LMO7: variants seen among roughly 807,000 people sequenced by gnomAD.
LMO7 encodes LIM domain 7.
Under a neutral mutation model 206.5 loss-of-function variants are expected in LMO7, and 120 were observed. The ratio of observed to expected loss-of-function variants is 0.58; its 90% CI spans 0.50 to 0.68. The LOEUF (loss-of-function observed/expected upper bound fraction) is 0.68. Among genes scored for constraint, LMO7 ranks in the 30% least tolerant of loss-of-function variants. The pLI, the probability that LMO7 is intolerant of heterozygous loss-of-function variation, is 0.00. For synonymous variants in LMO7, 706 were observed against 681.5 expected (o/e 1.04, Z -0.56); for missense variants, 1,959 against 1,957.9 (o/e 1.00, Z -0.01).
At position 75,636,516 on chromosome 13, in the gene LMO7, G is replaced by T. The variant is rs973524714; in HGVS notation, c.-142G>T. On this transcript the variant is annotated 5_prime_UTR_variant, in exon 1 of 31. Coordinates refer to ENST00000377534, the MANE Select transcript of LMO7 (RefSeq NM_001306080.2). Reference sequence around the variant, plus strand: ...GCAGAGCGCAACAAAGGGAACTAGAGCCCCGGCGCCTTCGCAGCCGGAGCG... The same window carrying T: ...GCAGAGCGCAACAAAGGGAACTAGATCCCCGGCGCCTTCGCAGCCGGAGCG... 31 of 1,509,670 alleles carry T rather than the reference G, an allele frequency of 2.1e-5. No individual in the cohort carries two copies. The highest frequency in any genetic ancestry group is 2.6e-5 in the Non-Finnish European group (30 of 1,137,208). 93.5% of individuals were successfully genotyped at this position (1,509,670 alleles called of 1,614,324 possible).
intron 3 of LMO7, among the ~76,000 whole-genome samples, chr13:75,738,946 C>T (rs564196343): frequency 1.3e-5 from 2 of 152,328 alleles, no homozygotes; most frequent in African/African-American, 4.8e-5. Context: ...ACTGTTGACA[C>T]TTTGGCCAGA....
intron 2 of LMO7, among the ~76,000 whole-genome samples, chr13:75,718,273 T>C (rs973399379): frequency 6.6e-6 from 1 of 152,226 alleles, no homozygotes; most frequent in African/African-American, 2.4e-5. Context: ...AGAGACACTC[T>C]AAAGACTCAT....
intron 8 of LMO7, chr13:75,805,238 C>A: frequency 8.7e-7 from 1 of 1,151,222 alleles, no homozygotes; most frequent in Non-Finnish European, 1.1e-6. Context: ...TGTTATGTGC[C>A]TCTTCCTTTT....
intron 3 of LMO7, among the ~76,000 whole-genome samples, chr13:75,744,908 C>T (rs902794631): frequency 6.6e-6 from 1 of 152,090 alleles, no homozygotes; most frequent in African/African-American, 2.4e-5. Context: ...GTGTCAGTTC[C>T]CGTGGAGAGT....
At chr13:75,688,070 C>T (rs560044947) in intron 1 of LMO7, among the ~76,000 whole-genome samples, 1 of 152,308 alleles carries the variant, frequency 6.6e-6, no homozygotes, top group Non-Finnish European at 1.5e-5. Context: ...GTGCCCTTCT[C>T]CTCCTTTGCC....
chr13:75,840,613 A>G, intron 22 of LMO7, 118 bp downstream of exon 22: 5 of 1,182,438 alleles, frequency 4.2e-6, no homozygotes, highest in Non-Finnish European at 5.9e-6. Context: ...ACTAACAAAT[A>G]TTTTTGCACA....
chr13:75,805,332 G>A lies in LMO7; in HGVS notation c.915-147G>A, dbSNP rs1260749514. On this transcript the variant is annotated intron_variant, in intron 8 of 30. Transcript: ENST00000377534. ...AATGAGATGCTGTTATAATAACTTTGTCCTAGGAGCTGTGGTGGTGATGAG... is the reference window on the plus strand; with the variant it reads ...AATGAGATGCTGTTATAATAACTTTATCCTAGGAGCTGTGGTGGTGATGAG... 5.1e-6 allele frequency: 5 copies of A among 984,322 alleles called. No homozygotes were observed. The African/African-American group carries it at 8.2e-5, about 16-fold the overall frequency. 61.0% of individuals were successfully genotyped at this position (984,322 alleles called of 1,614,324 possible). A position where few individuals can be genotyped will look rare whatever the true frequency, so the allele number is the denominator to read the frequency against.
At chr13:75,727,287 G>A (rs1362256272) in intron 3 of LMO7, among the ~76,000 whole-genome samples, 189 bp downstream of exon 3, 2 of 151,438 alleles carry the variant, frequency 1.3e-5, no homozygotes, top group Non-Finnish European at 3.0e-5. Context: ...TTTGCCTGGA[G>A]GCTTTTATTT....
At chr13:75,621,759 C>T (rs1382888833) in exon 1 of LMO7, 2 of 1,610,994 alleles carry the variant, frequency 1.2e-6, no homozygotes, top group Non-Finnish European at 1.7e-6. Flanking sequence ...ATGTTCTCTT[C>T]CAGAGAACAG....
upstream of LMO7, among the ~76,000 whole-genome samples, chr13:75,635,086 C>T (rs2035608319): frequency 6.6e-6 from 1 of 151,768 alleles, no homozygotes; most frequent in African/African-American, 2.4e-5. Context: ...AAAAATAAAA[C>T]CCTCCAGCAG....
At chr13:75,823,194 A>AT (rs2057775804) in intron 14 of LMO7, among the ~76,000 whole-genome samples, 1 of 152,142 alleles carries the variant, frequency 6.6e-6, no homozygotes, top group South Asian at 2.1e-4. Flanking sequence ...ATGTTGGTGA[A>AT]CTTGTTTAGA....
chr13:75,661,478 A>G (rs1465884698), intron 1 of LMO7, among the ~76,000 whole-genome samples: 1 of 152,162 alleles, frequency 6.6e-6, no homozygotes, highest in Admixed American at 6.5e-5. Flanking sequence ...GGTTCAGAGG[A>G]TGAAAGGAGG....
chr13:75,795,178 A>G (rs1439653607), intron 4 of LMO7, among the ~76,000 whole-genome samples: 1 of 152,212 alleles, frequency 6.6e-6, no homozygotes, highest in Non-Finnish European at 1.5e-5. Context: ...AATTATATTA[A>G]TGCATATCAA....
At chr13:75,622,557 C>T (rs77148653) in intron 1 of LMO7, among the ~76,000 whole-genome samples, 5 of 152,234 alleles carry the variant, frequency 3.3e-5, no homozygotes, top group African/African-American at 1.2e-4. Context: ...TCTGATAATG[C>T]CTTTAAGTAC....
intron 4 of LMO7, among the ~76,000 whole-genome samples, chr13:75,793,385 C>G (rs1357525266): frequency 6.6e-6 from 1 of 152,188 alleles, no homozygotes; most frequent in Non-Finnish European, 1.5e-5. Flanking sequence ...AAGCTGTTCT[C>G]CTGCCTCAGC....
At chr13:75,837,958 GT>G (rs1321682730) in intron 19 of LMO7, among the ~76,000 whole-genome samples, 181 bp from the exon 20 acceptor site, 2 of 152,120 alleles carry the variant, frequency 1.3e-5, no homozygotes, top group Non-Finnish European at 1.5e-5. Context: ...TGAATGTAAT[GT>G]AGGCTACTAA....
At chr13:75,675,041 A>G (rs1194164750) in intron 1 of LMO7, among the ~76,000 whole-genome samples, 4 of 151,858 alleles carry the variant, frequency 2.6e-5, no homozygotes, top group Non-Finnish European at 5.9e-5. Context: ...TTAAATTATA[A>G]CAGAAGAATG....
At chr13:75,774,353 A>G (rs1271418513) in intron 4 of LMO7, among the ~76,000 whole-genome samples, 2 of 152,046 alleles carry the variant, frequency 1.3e-5, no homozygotes, top group East Asian at 3.9e-4. Flanking sequence ...ACTTTTTTGA[A>G]ATTGATTCAT....
chr13:75,638,511 G>C (rs1019288264), intron 1 of LMO7, among the ~76,000 whole-genome samples: 6 of 152,164 alleles, frequency 3.9e-5, no homozygotes, highest in African/African-American at 1.4e-4. Flanking sequence ...ATCGTTAGCA[G>C]AGAGCTGGAT....
Sources: gnomAD v4.1 joint callset for allele counts (sites outside exome capture counted in the v4.1 genomes callset) on GRCh38, gnomAD v4.1.1 for gene constraint, MANE v1.5 for transcripts, NCBI Gene and HGNC (gene_info 2026-07-23, HGNC 2026-07-21) for gene names.